SOX13: variants seen among roughly 807,000 people sequenced by gnomAD.
SOX13 encodes the protein transcription factor SOX-13.
SOX13 carries 28 observed loss-of-function variants against 71.8 expected under a neutral mutation model. The observed-to-expected ratio is 0.39, with a 90% CI of 0.29 to 0.53. SOX13 has a LOEUF of 0.53. Ranked by LOEUF, SOX13 falls within the 20% of genes least tolerant of loss-of-function variation. The probability of loss-of-function intolerance (pLI) is 0.70; values close to 1 mark genes in which losing one functional copy is unlikely to be tolerated. For synonymous variants in SOX13, 309 were observed against 317.8 expected (o/e 0.97, Z 0.29); for missense variants, 627 against 810.3 (o/e 0.77, Z 2.75).
intron 1 of SOX13, among the ~76,000 whole-genome samples, chr1:204,079,986 G>A (rs1655868905): frequency 6.6e-6 from 1 of 152,206 alleles, no homozygotes; most frequent in Non-Finnish European, 1.5e-5. Context: ...GGTGTGCACA[G>A]CTAGGAGACG....
intron 1 of SOX13, among the ~76,000 whole-genome samples, chr1:204,082,462 G>T (rs1339214201): frequency 6.6e-6 from 1 of 152,284 alleles, no homozygotes; most frequent in East Asian, 1.9e-4. Flanking sequence ...GCACGTTGGG[G>T]TTTCAATCCC....
At chr1:204,090,779 GGTAA>G (rs1365810981) in intron 1 of SOX13, among the ~76,000 whole-genome samples, 1 of 152,174 alleles carries the variant, frequency 6.6e-6, no homozygotes, top group Non-Finnish European at 1.5e-5. Flanking sequence ...GGGTGAATTT[GGTAA>G]GTGTGTATTG....
chr1:204,083,517 C>T lies in SOX13; in HGVS notation c.-2+9806C>T, dbSNP rs187900233. Among the ~76,000 whole-genome samples the T allele has an allele frequency of 2.4e-3, 364 of 152,308 alleles. 1 individual carries two copies. The highest frequency in any genetic ancestry group is 4.0e-3 in the Non-Finnish European group (269 of 68,024). On this transcript the variant is annotated intron_variant, in intron 1 of 13. Transcript: ENST00000367204. ...TCCTTGCCCTTCGGGATCCGTGCTC[C>T]TTGATCTCTAAGGAGATAGCTTGGA...
intron 1 of SOX13, among the ~76,000 whole-genome samples, chr1:204,090,023 G>A (rs963209885): frequency 1.2e-4 from 18 of 152,230 alleles, no homozygotes; most frequent in African/African-American, 1.7e-4. Flanking sequence ...TGAAGCCCCC[G>A]GGGCCTCTGC....
chr1:204,091,065 T>G (rs1656131868), intron 1 of SOX13, among the ~76,000 whole-genome samples: 1 of 152,228 alleles, frequency 6.6e-6, no homozygotes, highest in South Asian at 2.1e-4. Flanking sequence ...TCATTCAGGC[T>G]GAAGCTGCTC....
Position 204,124,625 on chromosome 1 carries a change from TG to T in SOX13, c.1376-10del, listed in dbSNP as rs1277971108. 2 of 1,597,836 alleles carry T rather than the reference TG, an allele frequency of 1.3e-6. No homozygotes were observed. The highest frequency in any genetic ancestry group is 1.1e-5 in the South Asian group (1 of 88,064). On this transcript the variant is annotated splice_polypyrimidine_tract_variant and intron_variant, in intron 12 of 13. Coordinates refer to ENST00000367204, the MANE Select transcript of SOX13 (RefSeq NM_005686.3). Reference sequence around the variant, plus strand: ...GAGCCCAGCACTGACTGCCTGCCCCTGGGGGGTTGGGTCAGGATCTCGCTGG... The same window carrying T: ...GAGCCCAGCACTGACTGCCTGCCCCTGGGGGTTGGGTCAGGATCTCGCTGG...
intron 1 of SOX13, among the ~76,000 whole-genome samples, chr1:204,105,719 G>C (rs1656456672): frequency 6.6e-6 from 1 of 152,148 alleles, no homozygotes; most frequent in African/African-American, 2.4e-5. Flanking sequence ...TCTTGAAGCA[G>C]TGCTGCCCCA....
chr1:204,078,656 A>G (rs1019822526), intron 1 of SOX13, among the ~76,000 whole-genome samples: 12 of 152,142 alleles, frequency 7.9e-5, no homozygotes, highest in African/African-American at 2.4e-4. Flanking sequence ...CTTTTACCAG[A>G]TGGGGAACTA....
At chr1:204,096,916 A>C (rs1362293208) in intron 1 of SOX13, among the ~76,000 whole-genome samples, 1 of 151,998 alleles carries the variant, frequency 6.6e-6, no homozygotes, top group African/African-American at 2.4e-5. Context: ...CTTGGGTATG[A>C]AGTGAAAATC....
At chr1:204,124,969 G>T (rs1287834843) in intron 13 of SOX13, 112 bp downstream of exon 13, 4 of 749,826 alleles carry the variant, frequency 5.3e-6, no homozygotes, top group Non-Finnish European at 9.1e-6. Context: ...CAGGGGTGCT[G>T]TGTGTATGCG....
chr1:204,085,354 T>C (rs541899294), intron 1 of SOX13, among the ~76,000 whole-genome samples: 9 of 152,172 alleles, frequency 5.9e-5, no homozygotes, highest in African/African-American at 2.2e-4. Flanking sequence ...AGATGTAAAG[T>C]ATAGAGAAAG....
At chr1:204,104,820 T>C (rs1656430805) in intron 1 of SOX13, among the ~76,000 whole-genome samples, 1 of 152,192 alleles carries the variant, frequency 6.6e-6, no homozygotes, top group African/African-American at 2.4e-5. Context: ...TATCTCTATC[T>C]TTATCTTCAT....
At chr1:204,086,812 G>A (rs980104895) in intron 1 of SOX13, among the ~76,000 whole-genome samples, 5 of 152,156 alleles carry the variant, frequency 3.3e-5, no homozygotes, top group African/African-American at 1.2e-4. Context: ...TGTGTGTGCT[G>A]GGCTCACAGT....
chr1:204,083,355 C>T (rs987034925), intron 1 of SOX13, among the ~76,000 whole-genome samples: 1 of 152,224 alleles, frequency 6.6e-6, no homozygotes, highest in Admixed American at 6.5e-5. Context: ...AAAGGAGGCA[C>T]GTGGGGAAGA....
At chr1:204,082,745 G>C (rs1655934961) in intron 1 of SOX13, among the ~76,000 whole-genome samples, 2 of 152,164 alleles carry the variant, frequency 1.3e-5, no homozygotes, top group South Asian at 2.1e-4. Flanking sequence ...CAGGAAACAG[G>C]GTCAGAGAAT....
chr1:204,087,637 A>G (rs895939800), intron 1 of SOX13, among the ~76,000 whole-genome samples: 1 of 152,224 alleles, frequency 6.6e-6, no homozygotes, highest in African/African-American at 2.4e-5. Flanking sequence ...CTCCATCTGC[A>G]ACTTGGGAAG....
chr1:204,090,873 G>A (rs796507607), intron 1 of SOX13, among the ~76,000 whole-genome samples: 18 of 152,300 alleles, frequency 1.2e-4, no homozygotes, highest in African/African-American at 4.3e-4. Context: ...AAGGAACACC[G>A]GTGACTTACA....
At chr1:204,088,369 G>T (rs1382414553) in intron 1 of SOX13, among the ~76,000 whole-genome samples, 1 of 152,136 alleles carries the variant, frequency 6.6e-6, no homozygotes, top group Non-Finnish European at 1.5e-5. Context: ...ACGTAGCCTT[G>T]GAAACTGCCC....
intron 1 of SOX13, among the ~76,000 whole-genome samples, chr1:204,091,378 G>T (rs112338783): frequency 0.019 from 2,819 of 152,316 alleles, 71 homozygotes; most frequent in African/African-American, 0.054. Context: ...TATTGTTCAG[G>T]ATCGAGGAAT....
Sources: allele counts gnomAD v4.1 joint callset (sites outside exome capture counted in the v4.1 genomes callset), GRCh38; gene constraint gnomAD v4.1.1; transcripts MANE v1.5; gene names NCBI Gene and HGNC (gene_info 2026-07-23, HGNC 2026-07-21).